Variants in MYH7B observed in about 807,000 individuals in gnomAD.
The protein encoded by MYH7B is myosin-7B.
Under a neutral mutation model 234.5 loss-of-function variants are expected in MYH7B, and 205 were observed. The observed-to-expected ratio is 0.87, with a 90% CI of 0.78 to 0.98. The LOEUF is 0.98. MYH7B is among the 50% of genes least tolerant of loss of function. The pLI is 0.00. For missense variants in MYH7B, 2,652 were observed against 2,633.4 expected, an observed-to-expected ratio of 1.01 and a Z score of -0.15; for synonymous variants, 1,193 against 1,105.0, an observed-to-expected ratio of 1.08 and a Z score of -1.58.
chr20:34,986,008 C>T, intron 13 of MYH7B, 92 bp from the exon 14 acceptor site: 1 of 1,125,664 alleles, frequency 8.9e-7, no homozygotes, highest in Non-Finnish European at 1.3e-6. Flanking sequence ...CCTGCACACT[C>T]CCTGCCCACC....
chr20:34,998,148 T>C lies in MYH7B; in HGVS notation c.3748-147T>C, dbSNP rs547678892. ...AGCCCAGCAGTAGAATCTCTTTCCC[T>C]GACTTTGAACTTGGGGCTCTGCTCT... On this transcript the variant is annotated intron_variant, in intron 32 of 44. Coordinates refer to ENST00000262873, the Ensembl canonical transcript of MYH7B. The C allele has an allele frequency of 4.3e-5, 42 of 973,722 alleles. No homozygotes were observed. The East Asian group carries it at 1.1e-3, about 25-fold the overall frequency. The allele number at this position is 973,722 out of a possible 1,614,324, so 60.3% of individuals were successfully genotyped here.
chr20:34,959,940 G>A (rs11905995), intron 2 of MYH7B, among the ~76,000 whole-genome samples: 6,802 of 152,082 alleles, frequency 0.045, 506 homozygotes, highest in African/African-American at 0.16. Flanking sequence ...TTTTACAGCC[G>A]GGGAAAGGAA....
At position 34,993,107 on chromosome 20, in the gene MYH7B, G is replaced by A. The variant is rs776179958; in HGVS notation, c.2189G>A (p.Arg730His). 26 of 1,612,672 alleles carry A rather than the reference G, an allele frequency of 1.6e-5. No individual in the cohort carries two copies. Among genetic ancestry groups the A allele is most frequent in the Admixed American group, 6.7e-5 (4 of 59,972 alleles). ...GCTCTGCCCTCCTTTCCCAGGTACC[G>A]TATCCTGAACCCCAGTGCCATCCCG... Residue 730 changes from arginine to histidine, a missense_variant, in exon 25 of 45, where the codon CGT becomes CAT. Around this residue, in one of 3 missense-constraint regions of MYH7B, gnomAD observed 2,279 missense variants for 2,211.4 expected, o/e 1.03. Transcript: ENST00000262873.
intron 2 of MYH7B, among the ~76,000 whole-genome samples, chr20:34,967,891 G>A (rs1228393166): frequency 6.6e-6 from 1 of 152,156 alleles, no homozygotes; most frequent in East Asian, 1.9e-4. Context: ...AAGATCCTGG[G>A]ATTTCACATG....
exon 4 of MYH7B, chr20:34,977,675 G>T: frequency 1.3e-6 from 2 of 1,574,744 alleles, no homozygotes; most frequent in Non-Finnish European, 1.7e-6. Flanking sequence ...TCACCGTGGT[G>T]CCGAGGTAGG....
At chr20:34,958,847 C>A (rs1276182203) in intron 2 of MYH7B, among the ~76,000 whole-genome samples, 3 of 152,180 alleles carry the variant, frequency 2.0e-5, no homozygotes, top group African/African-American at 7.2e-5. Flanking sequence ...AATGTGAGCC[C>A]CATGAAAATG....
intron 43 of MYH7B, 135 bp downstream of exon 43, chr20:35,001,661 T>A: frequency 1.2e-6 from 1 of 851,622 alleles, no homozygotes; most frequent in Non-Finnish European, 1.8e-6. Context: ...GCTTCTAACA[T>A]CTCTGGGGAG....
intron 2 of MYH7B, among the ~76,000 whole-genome samples, chr20:34,974,115 C>CG: frequency 6.6e-6 from 1 of 151,916 alleles, no homozygotes; most frequent in East Asian, 1.9e-4. Flanking sequence ...TTAGTAGAGA[C>CG]AGGGTTTCAC....
intron 7 of MYH7B, chr20:34,980,152 G>C (rs2147173961): frequency 2.6e-6 from 1 of 383,388 alleles, no homozygotes; most frequent in East Asian, 4.9e-5. Flanking sequence ...CACAGAGGGT[G>C]TGGTGTGGCA....
rs748716847 is a variant in MYH7B, at chr20:34,997,447, T to G, written c.3554T>G (p.Leu1185Arg). ...GAGCTGGGGAGGCTGCGGCGGGAGC[T>G]GGAGGAGGCGGCGCTGCGGCACGAG... is the stretch of plus-strand genomic sequence containing the variant. The change falls in exon 32 of 45, where the codon CTG (leucine) becomes CGG (arginine). Residue 1185 changes from leucine (L) to arginine (R), a missense_variant. Coordinates refer to ENST00000262873, the Ensembl canonical transcript of MYH7B. 3.4e-6 allele frequency: 5 copies of G among 1,480,556 alleles called. No homozygotes were observed. The highest frequency in any genetic ancestry group is 1.3e-5 in the South Asian group (1 of 74,646). The allele number at this position is 1,480,556 out of a possible 1,614,324, so 91.7% of individuals were successfully genotyped here.
intron 27 of MYH7B, among the ~76,000 whole-genome samples, chr20:34,995,069 T>C (rs1204253190): frequency 2.0e-5 from 3 of 152,208 alleles, no homozygotes; most frequent in African/African-American, 7.2e-5. Context: ...AGCGGGGCAG[T>C]GAGCAGCGGG....
exon 36 of MYH7B, chr20:34,999,395 G>T: frequency 2.6e-6 from 4 of 1,516,328 alleles, no homozygotes; most frequent in Non-Finnish European, 3.5e-6. Flanking sequence ...GGGAGAACAA[G>T]AACCTGCAGG....
At chr20:34,977,813 G>A in intron 4 of MYH7B, 121 bp from the exon 5 acceptor site, 1 of 1,499,182 alleles carries the variant, frequency 6.7e-7, no homozygotes, top group Non-Finnish European at 9.2e-7. Context: ...GGGTGTGCAT[G>A]TATGCTGGGC....
chr20:34,980,469 C>G (rs1461644966), intron 7 of MYH7B, 109 bp from the exon 8 acceptor site: 8 of 965,140 alleles, frequency 8.3e-6, no homozygotes, highest in Non-Finnish European at 1.3e-5. Flanking sequence ...ACCCAGGAGG[C>G]GGAGGTTGCG....
intron 24 of MYH7B, among the ~76,000 whole-genome samples, chr20:34,991,688 C>CT (rs2082153916): frequency 6.6e-6 from 1 of 152,180 alleles, no homozygotes; most frequent in Admixed American, 6.5e-5. Context: ...TAGCAAGCAC[C>CT]TGGGCAGTGC....
At chr20:34,990,235 T>C (rs1288496065) in exon 22 of MYH7B, 2 of 1,614,102 alleles carry the variant, frequency 1.2e-6, no homozygotes, top group Non-Finnish European at 1.7e-6. Context: ...CTCTATTAGC[T>C]GAGCCCCCCA....
intron 32 of MYH7B, 109 bp from the exon 33 acceptor site, chr20:34,998,186 T>G: frequency 7.6e-7 from 1 of 1,323,820 alleles, no homozygotes; most frequent in South Asian, 1.3e-5. Flanking sequence ...CTTTGATTCC[T>G]GGGCCCACAT....
At chr20:34,986,799 C>T in intron 14 of MYH7B, 87 bp from the exon 15 acceptor site, 1 of 1,136,348 alleles carries the variant, frequency 8.8e-7, no homozygotes, top group African/African-American at 1.5e-5. Context: ...GGGCTTGCCC[C>T]CGCAGGACCC....
At chr20:34,999,692 A>G in exon 37 of MYH7B, 1 of 1,613,210 alleles carries the variant, frequency 6.2e-7, no homozygotes, top group Non-Finnish European at 8.5e-7. Flanking sequence ...TGGAGGAGGC[A>G]GAGGTCAGGG....
Sources: gnomAD v4.1 joint callset for allele counts (sites outside exome capture counted in the v4.1 genomes callset) on GRCh38, gnomAD v4.1.1 for gene constraint, gnomAD v4.1.1 regional missense constraint, MANE v1.5 for transcripts, NCBI Gene and HGNC (gene_info 2026-07-23, HGNC 2026-07-21) for gene names.